DENND5A: variants seen among roughly 807,000 people sequenced by gnomAD.
DENND5A encodes DENN domain containing 5A, also known as DENN domain-containing protein 5A.
A neutral mutation model predicts 140.3 loss-of-function variants in DENND5A; 64 were observed. The ratio of observed to expected loss-of-function variants is 0.46; its 90% CI spans 0.37 to 0.56. The LOEUF (loss-of-function observed/expected upper bound fraction) is 0.56, where lower values mean the gene tolerates loss of function less well. Ranked by LOEUF, DENND5A falls within the 20% of genes least tolerant of loss-of-function variation. The pLI, the probability that DENND5A is intolerant of heterozygous loss-of-function variation, is 0.00. For synonymous variants in DENND5A, 605 were observed against 607.7 expected, an observed-to-expected ratio of 1.00 and a Z score of 0.07; for missense variants, 1,292 against 1,593.8, an observed-to-expected ratio of 0.81 and a Z score of 3.22.
At chr11:9,231,495 C>G (rs991202851) in intron 1 of DENND5A, among the ~76,000 whole-genome samples, 1 of 152,042 alleles carries the variant, frequency 6.6e-6, no homozygotes, top group Non-Finnish European at 1.5e-5. Flanking sequence ...GCAGGCAGAT[C>G]ACCTGAGGTC....
chr11:9,158,603 T>A (rs1313994307), intron 12 of DENND5A, among the ~76,000 whole-genome samples: 2 of 152,132 alleles, frequency 1.3e-5, no homozygotes, highest in Non-Finnish European at 2.9e-5. Flanking sequence ...ATCATACATA[T>A]AAGGAAACAG....
chr11:9,256,051 A>C (rs1490789835), intron 1 of DENND5A, among the ~76,000 whole-genome samples: 1 of 86,394 alleles, frequency 1.2e-5, no homozygotes, highest in Non-Finnish European at 2.4e-5. Flanking sequence ...GGTTAAACAC[A>C]GTTACTATAT....
In DENND5A at chr11:9,142,874, G is replaced by A. The variant is rs755329670; in HGVS notation, c.3388-29C>T. 10 of 1,611,368 alleles carry A rather than the reference G, an allele frequency of 6.2e-6. No individual in the cohort carries two copies. In the East Asian group the frequency reaches 1.6e-4, roughly 25 times the overall value. On this transcript the variant is annotated intron_variant, in intron 20 of 22. Coordinates refer to ENST00000328194, the MANE Select transcript of DENND5A (RefSeq NM_015213.4). ...CGTAAGGAAACAGGGGAGGGTGCCA[G>A]GCTTGTCTCAGCCGAGCTGCCCTCC... is the stretch of plus-strand genomic sequence containing the variant.
intron 1 of DENND5A, among the ~76,000 whole-genome samples, chr11:9,220,922 A>G (rs1850287173): frequency 6.6e-6 from 1 of 151,422 alleles, no homozygotes; most frequent in Admixed American, 6.6e-5. Context: ...GTGTACACAC[A>G]CACACATAAA....
chr11:9,166,021 G>C (rs199879264), intron 10 of DENND5A, 54 bp from the exon 11 acceptor site: 1 of 1,583,106 alleles, frequency 6.3e-7, no homozygotes, highest in Admixed American at 1.7e-5. Flanking sequence ...TAAACCAAAG[G>C]TCAGCAGTAC....
intron 8 of DENND5A, 171 bp from the exon 9 acceptor site, chr11:9,170,948 T>C (rs781018264): frequency 9.4e-6 from 11 of 1,166,202 alleles, no homozygotes; most frequent in African/African-American, 3.1e-5. Context: ...CAAAATAATA[T>C]AAAATGATAA....
chr11:9,237,435 T>C (rs1851050278), intron 1 of DENND5A, among the ~76,000 whole-genome samples: 1 of 151,876 alleles, frequency 6.6e-6, no homozygotes, highest in Non-Finnish European at 1.5e-5. Context: ...GAAAAAAAGA[T>C]ATGTTCTTCC....
intron 1 of DENND5A, among the ~76,000 whole-genome samples, chr11:9,231,096 A>G (rs1178455683): frequency 6.6e-6 from 1 of 152,238 alleles, no homozygotes; most frequent in Non-Finnish European, 1.5e-5. Flanking sequence ...TGTATTGAGC[A>G]TAAGAGGTAC....
intron 1 of DENND5A, among the ~76,000 whole-genome samples, chr11:9,217,741 T>C (rs180993823): frequency 6.6e-6 from 1 of 152,274 alleles, no homozygotes; most frequent in Non-Finnish European, 1.5e-5. Flanking sequence ...AACTAGGCTA[T>C]GTAAAGTATA....
chr11:9,184,277 T>A (rs1478856123), intron 5 of DENND5A, among the ~76,000 whole-genome samples: 3 of 151,764 alleles, frequency 2.0e-5, no homozygotes, highest in Non-Finnish European at 4.4e-5. Context: ...GTCATGAACC[T>A]CGGAGGCGGA....
At chr11:9,207,659 A>T in intron 1 of DENND5A, 27 bp from the exon 2 acceptor site, 1 of 1,505,944 alleles carries the variant, frequency 6.6e-7, no homozygotes, top group South Asian at 1.1e-5. Context: ...ATAACAGAGT[A>T]TTACAATAAA....
At chr11:9,243,742 C>T (rs974940388) in intron 1 of DENND5A, among the ~76,000 whole-genome samples, 19 of 151,920 alleles carry the variant, frequency 1.3e-4, no homozygotes, top group Non-Finnish European at 2.1e-4. Context: ...AAAAATTAGC[C>T]GGGCGTGGTG....
At chr11:9,221,900 G>C (rs1373690850) in intron 1 of DENND5A, among the ~76,000 whole-genome samples, 1 of 151,980 alleles carries the variant, frequency 6.6e-6, no homozygotes, top group East Asian at 1.9e-4. Flanking sequence ...TGGAACTACA[G>C]GTGCATGCCA....
Position 9,170,641 on chromosome 11 carries a change from C to T in DENND5A, c.2043G>A (p.Gly681=). The T allele has an allele frequency of 6.2e-7, 1 of 1,613,784 alleles. No homozygotes were observed. The highest frequency in any genetic ancestry group is 8.5e-7 in the Non-Finnish European group (1 of 1,179,952). The change falls in exon 9 of 23, where the codon GGG becomes GGA. Residue 681 remains glycine, a synonymous_variant. Transcript: ENST00000328194. ...PKLQSDVLST[G]PASNKWTKRN... The stretch of plus-strand genomic sequence containing the variant: ...GGTTGACTCACTTGTTGCTGGCTGG[C>T]CCAGTGGAAAGTACATCAGACTGCA...
intron 1 of DENND5A, among the ~76,000 whole-genome samples, chr11:9,255,441 T>C (rs888890324): frequency 6.6e-6 from 1 of 151,988 alleles, no homozygotes; most frequent in Non-Finnish European, 1.5e-5. Context: ...AATTAAAAAT[T>C]AGTCGGGCAG....
At chr11:9,154,322 T>TAAAA (rs879804739) in intron 12 of DENND5A, among the ~76,000 whole-genome samples, 6 of 152,300 alleles carry the variant, frequency 3.9e-5, no homozygotes, top group Admixed American at 6.5e-5. Context: ...GATTCAAGCT[T>TAAAA]AAGTCTATCT....
intron 5 of DENND5A, among the ~76,000 whole-genome samples, chr11:9,186,291 T>C (rs1410544768): frequency 1.3e-5 from 2 of 152,262 alleles, no homozygotes; most frequent in Non-Finnish European, 2.9e-5. Context: ...ACATTTTGCT[T>C]ATTCCTTTAA....
At chr11:9,143,787 C>T (rs1407065512) in intron 19 of DENND5A, among the ~76,000 whole-genome samples, 1 of 152,194 alleles carries the variant, frequency 6.6e-6, no homozygotes, top group African/African-American at 2.4e-5. Context: ...CTGTGAAGCC[C>T]AGGAATCAGG....
chr11:9,262,631 C>T (rs1456252129), intron 1 of DENND5A, among the ~76,000 whole-genome samples: 1 of 152,130 alleles, frequency 6.6e-6, no homozygotes, highest in African/African-American at 2.4e-5. Context: ...AAAATTACAT[C>T]AAAGTCACAA....
Sources: allele counts gnomAD v4.1 joint callset (sites outside exome capture counted in the v4.1 genomes callset), GRCh38; gene constraint gnomAD v4.1.1; transcripts MANE v1.5; gene names NCBI Gene and HGNC (gene_info 2026-07-23, HGNC 2026-07-21).